Variants in TLK1 observed in about 807,000 individuals in gnomAD.
TLK1 encodes tousled like kinase 1.
TLK1 carries 24 observed loss-of-function variants against 105.3 expected under a neutral mutation model. The observed-to-expected ratio is 0.23, with a 90% CI of 0.17 to 0.32. The LOEUF is 0.32. TLK1 is among the 10% of genes least tolerant of loss of function. The probability of loss-of-function intolerance (pLI) is 1.00; values close to 1 mark genes in which losing one functional copy is unlikely to be tolerated. For missense variants in TLK1, 558 were observed against 910.5 expected, an observed-to-expected ratio of 0.61 and a Z score of 4.98; for synonymous variants, 321 against 310.4, an observed-to-expected ratio of 1.03 and a Z score of -0.36.
intron 3 of TLK1, among the ~76,000 whole-genome samples, chr2:171,062,018 TC>T (rs1474670871): frequency 1.3e-5 from 2 of 152,228 alleles, no homozygotes; most frequent in Non-Finnish European, 2.9e-5. Context: ...AGTTAACAGA[TC>T]CCTGCTCTAG....
At chr2:171,183,914 A>G (rs919392331) in intron 1 of TLK1, among the ~76,000 whole-genome samples, 2 of 152,216 alleles carry the variant, frequency 1.3e-5, no homozygotes, top group Admixed American at 6.5e-5. Context: ...TGTCCATGCC[A>G]TAAACCAAAG....
chr2:171,201,621 G>T (rs1267137754), intron 1 of TLK1, among the ~76,000 whole-genome samples: 3 of 152,144 alleles, frequency 2.0e-5, no homozygotes, highest in Non-Finnish European at 4.4e-5. Context: ...TCCTCATATT[G>T]TGCTGAAAGC....
chr2:171,167,109 A>G (rs1692623559), intron 1 of TLK1, among the ~76,000 whole-genome samples: 1 of 152,242 alleles, frequency 6.6e-6, no homozygotes, highest in Non-Finnish European at 1.5e-5. Context: ...ATGGGAACTC[A>G]GAGGGACTTC....
In TLK1 at chr2:170,993,668, T is replaced by TAAAAA. The variant is rs71008739; in HGVS notation, c.*107_*111dup. 125 of 433,686 alleles carry TAAAAA rather than the reference T, an allele frequency of 2.9e-4. 2 individuals are homozygous for TAAAAA. Among genetic ancestry groups the TAAAAA allele is most frequent in the South Asian group, 1.1e-3 (16 of 13,934 alleles). The allele number at this position is 433,686 out of a possible 1,614,324, so 26.9% of individuals were successfully genotyped here. ...AAACAGTTCTTAACCACGTCTTGTG[T>TAAAAA]AAAAAAAAAAAAAAAAAAAAAAGAA... On this transcript the variant is annotated 3_prime_UTR_variant, in exon 21 of 21. Coordinates refer to ENST00000431350, the MANE Select transcript of TLK1 (RefSeq NM_012290.5).
intron 3 of TLK1, 110 bp from the exon 4 acceptor site, chr2:171,061,266 T>A: frequency 2.3e-6 from 2 of 852,518 alleles, no homozygotes; most frequent in African/African-American, 1.7e-5. Context: ...TCAGTAGTGC[T>A]CAAGAGATGT....
chr2:171,215,484 C>A (rs1210395284), intron 1 of TLK1, among the ~76,000 whole-genome samples: 5 of 152,098 alleles, frequency 3.3e-5, no homozygotes, highest in East Asian at 1.9e-4. Flanking sequence ...CTAGGCAGAG[C>A]AAATCTGCTT....
chr2:171,131,553 A>T (rs985984067), intron 1 of TLK1, among the ~76,000 whole-genome samples: 2 of 152,088 alleles, frequency 1.3e-5, no homozygotes, highest in Non-Finnish European at 2.9e-5. Context: ...TTATACCAAG[A>T]CTTCTTTCAA....
intron 1 of TLK1, among the ~76,000 whole-genome samples, chr2:171,123,239 C>T (rs933325567): frequency 1.3e-5 from 2 of 152,104 alleles, no homozygotes; most frequent in Non-Finnish European, 2.9e-5. Context: ...CTCTGTTGCC[C>T]AGCCTGAAGT....
intron 13 of TLK1, among the ~76,000 whole-genome samples, chr2:171,012,412 G>A (rs1321413041): frequency 1.3e-5 from 2 of 152,112 alleles, no homozygotes; most frequent in Non-Finnish European, 2.9e-5. Context: ...GCAGAAAAAT[G>A]TGGTTCCAAA....
At chr2:171,092,860 C>T (rs944708523) in intron 2 of TLK1, among the ~76,000 whole-genome samples, 4 of 151,520 alleles carry the variant, frequency 2.6e-5, no homozygotes, top group Admixed American at 1.3e-4. Flanking sequence ...TTTTTTTTTA[C>T]GTGATGTTAA....
At chr2:171,019,800 A>AT (rs1685399452) in intron 12 of TLK1, among the ~76,000 whole-genome samples, 1 of 152,172 alleles carries the variant, frequency 6.6e-6, no homozygotes, top group African/African-American at 2.4e-5. Flanking sequence ...GCTCACACTT[A>AT]TAATCCCAGC....
At chr2:170,998,046 TTATC>T (rs869267964) in intron 18 of TLK1, among the ~76,000 whole-genome samples, 4,853 of 147,580 alleles carry the variant, frequency 0.033, 257 homozygotes, top group African/African-American at 0.1. Flanking sequence ...CTATCTATCT[TTATC>T]TATCTATCTA....
At chr2:171,199,508 G>A (rs1233047116) in intron 1 of TLK1, among the ~76,000 whole-genome samples, 1 of 93,276 alleles carries the variant, frequency 1.1e-5, no homozygotes, top group Non-Finnish European at 2.6e-5. Flanking sequence ...GTGAGACCTG[G>A]TTAAAAAAAA....
chr2:171,083,786 C>T (rs1420398801), intron 2 of TLK1, among the ~76,000 whole-genome samples: 1 of 152,108 alleles, frequency 6.6e-6, no homozygotes, highest in Non-Finnish European at 1.5e-5. Flanking sequence ...ATGCCCAGTA[C>T]TATGCTGGAT....
At chr2:171,055,462 A>G (rs976265635) in intron 6 of TLK1, among the ~76,000 whole-genome samples, 2 of 151,938 alleles carry the variant, frequency 1.3e-5, no homozygotes, top group Non-Finnish European at 2.9e-5. Context: ...GCTTTCATAC[A>G]GTTAAAAAAA....
Position 170,993,647 on chromosome 2 carries a change from A to G in TLK1, c.*133T>C, listed in dbSNP as rs1192511627. On this transcript the variant is annotated 3_prime_UTR_variant, in exon 21 of 21. Coordinates refer to ENST00000431350, the MANE Select transcript of TLK1 (RefSeq NM_012290.5). ...CTATGAGGAACTTCAGTTCACAAACAGTTCTTAACCACGTCTTGTGTAAAA... is the reference window on the plus strand; with the variant it reads ...CTATGAGGAACTTCAGTTCACAAACGGTTCTTAACCACGTCTTGTGTAAAA... The G allele has an allele frequency of 1.3e-6, 1 of 782,782 alleles. No homozygotes were observed. Among genetic ancestry groups the G allele is most frequent in the East Asian group, 3.2e-5 (1 of 31,720 alleles). The allele number at this position is 782,782 out of a possible 1,614,324, so 48.5% of individuals were successfully genotyped here.
chr2:171,006,029 A>C, intron 18 of TLK1, 118 bp downstream of exon 18: 1 of 1,052,110 alleles, frequency 9.5e-7, no homozygotes, highest in Non-Finnish European at 1.3e-6. Flanking sequence ...GCTTAATATC[A>C]GTACCTTTAC....
chr2:171,201,321 ATTAT>A (rs1693394662), intron 1 of TLK1, among the ~76,000 whole-genome samples: 1 of 152,204 alleles, frequency 6.6e-6, no homozygotes, highest in African/African-American at 2.4e-5. Context: ...ATGCCATCTC[ATTAT>A]TTACAGATTT....
At chr2:171,199,505 C>G (rs1182581720) in intron 1 of TLK1, among the ~76,000 whole-genome samples, 1 of 101,070 alleles carries the variant, frequency 9.9e-6, no homozygotes, top group East Asian at 8.6e-4. Flanking sequence ...AGAGTGAGAC[C>G]TGGTTAAAAA....
Sources: gnomAD v4.1 joint callset for allele counts (sites outside exome capture counted in the v4.1 genomes callset) on GRCh38, gnomAD v4.1.1 for gene constraint, MANE v1.5 for transcripts, NCBI Gene and HGNC (gene_info 2026-07-23, HGNC 2026-07-21) for gene names.